Variants in KIAA1217 observed in about 807,000 individuals in gnomAD.
The protein encoded by KIAA1217 is KIAA1217.
In KIAA1217, 88 loss-of-function variants were observed where a neutral mutation model predicts 163.9. The observed-to-expected ratio is 0.54, with a 90% CI of 0.45 to 0.64. KIAA1217 has a LOEUF of 0.64. KIAA1217 is among the 30% of genes least tolerant of loss of function. The probability of loss-of-function intolerance (pLI) is 0.00; values close to 1 mark genes in which losing one functional copy is unlikely to be tolerated. For synonymous variants in KIAA1217, 903 were observed against 923.1 expected (o/e 0.98, Z 0.39); for missense variants, 2,372 against 2,475.0 (o/e 0.96, Z 0.88).
chr10:24,080,821 T>G (rs2061514592), intron 2 of KIAA1217, among the ~76,000 whole-genome samples: 1 of 144,300 alleles, frequency 6.9e-6, no homozygotes, highest in Non-Finnish European at 1.5e-5. Flanking sequence ...TTAGTAAGTG[T>G]TTTTTCAGAT....
intron 2 of KIAA1217, among the ~76,000 whole-genome samples, chr10:24,248,670 CAAAAA>C (rs929995548): frequency 8.2e-5 from 3 of 36,476 alleles, no homozygotes; most frequent in African/African-American, 2.3e-4. Context: ...GACTCCATCT[CAAAAA>C]AAAAAAAAAA....
chr10:24,283,682 A>G (rs2078221566), intron 2 of KIAA1217, among the ~76,000 whole-genome samples: 1 of 152,170 alleles, frequency 6.6e-6, no homozygotes, highest in Non-Finnish European at 1.5e-5. Flanking sequence ...ATAATTAAAA[A>G]AAGAAAAGAA....
upstream of KIAA1217, among the ~76,000 whole-genome samples, chr10:24,207,069 T>A (rs2067592219): frequency 6.6e-6 from 1 of 152,040 alleles, no homozygotes. Context: ...TGGGGCAGGG[T>A]GCTGTTTGTG....
intron 1 of KIAA1217, among the ~76,000 whole-genome samples, chr10:23,852,064 G>T (rs1340053409): frequency 1.3e-5 from 2 of 152,180 alleles, no homozygotes; most frequent in East Asian, 3.9e-4. Flanking sequence ...ATTCCTTTTG[G>T]TGTTTTAGAC....
At chr10:24,076,250 A>G (rs563678912) in intron 2 of KIAA1217, among the ~76,000 whole-genome samples, 5 of 152,314 alleles carry the variant, frequency 3.3e-5, no homozygotes, top group African/African-American at 9.6e-5. Context: ...CACAGCGTTT[A>G]TGCCATGTTT....
chr10:23,710,375 C>T (rs1192587600), intron 1 of KIAA1217, among the ~76,000 whole-genome samples: 1 of 152,186 alleles, frequency 6.6e-6, no homozygotes, highest in Non-Finnish European at 1.5e-5. Context: ...CACAGTTGCT[C>T]TGTTGTCACC....
At chr10:23,952,974 A>C (rs11013810) in intron 1 of KIAA1217, among the ~76,000 whole-genome samples, 29,186 of 152,202 alleles carry the variant, frequency 0.19, 3,138 homozygotes, top group Middle Eastern at 0.27. Context: ...AAGAAGAACA[A>C]CACCAAATGC....
chr10:24,082,837 G>T (rs192844217), intron 2 of KIAA1217, among the ~76,000 whole-genome samples: 2 of 152,278 alleles, frequency 1.3e-5, no homozygotes, highest in African/African-American at 4.8e-5. Context: ...TTCCACAATG[G>T]TTGAACTAAT....
At chr10:24,187,541 T>C (rs547215620) in intron 2 of KIAA1217, among the ~76,000 whole-genome samples, 146 of 152,354 alleles carry the variant, frequency 9.6e-4, no homozygotes, top group African/African-American at 3.5e-3. Context: ...CATGCAGTCC[T>C]GAGGGGGTGG....
At chr10:24,023,738 A>G (rs955319561) in intron 2 of KIAA1217, among the ~76,000 whole-genome samples, 1 of 151,794 alleles carries the variant, frequency 6.6e-6, no homozygotes, top group Non-Finnish European at 1.5e-5. Context: ...ATGAAAACAG[A>G]ATAATCAAAT....
chr10:24,152,058 C>T (rs1051320829), intron 2 of KIAA1217, among the ~76,000 whole-genome samples: 30 of 152,084 alleles, frequency 2.0e-4, no homozygotes, highest in African/African-American at 7.0e-4. Flanking sequence ...TCCTTCCTCC[C>T]TTCCCCGCTC....
At chr10:24,218,567 C>T (rs929651751) in intron 1 of KIAA1217, among the ~76,000 whole-genome samples, 7 of 151,884 alleles carry the variant, frequency 4.6e-5, no homozygotes, top group African/African-American at 1.7e-4. Flanking sequence ...CGGCTCACTG[C>T]AAGCTCCGCC....
intron 1 of KIAA1217, among the ~76,000 whole-genome samples, chr10:23,843,104 A>G (rs9418444): frequency 0.44 from 67,310 of 152,058 alleles, 18,421 homozygotes; most frequent in Non-Finnish European, 0.63. Context: ...AAATGTTTCT[A>G]CTTTACTGGT....
In KIAA1217 at chr10:24,177,258, C is replaced by CATATATATATATATAT. The variant is rs1210930891; in HGVS notation, c.-170-42343_-170-42328dup. ...CTAGCACGTTTTCACCTCTCACCATCATATATATATATATATATATATATA... is the reference window on the plus strand; with the variant it reads ...CTAGCACGTTTTCACCTCTCACCATCATATATATATATATATATATATATATATATATATATATATA... On this transcript the variant is annotated intron_variant, in intron 2 of 18. Coordinates refer to the KIAA1217 transcript ENST00000376462. Among the ~76,000 whole-genome samples the CATATATATATATATAT allele has an allele frequency of 2.0e-3, 50 of 25,118 alleles. 2 individuals carry two copies. The highest frequency in any genetic ancestry group is 5.8e-3 in the African/African-American group (32 of 5,552). 16.5% of individuals were successfully genotyped at this position (25,118 alleles called of 152,430 possible).
chr10:24,405,093 G>C (rs890113738), intron 3 of KIAA1217, among the ~76,000 whole-genome samples: 1 of 152,076 alleles, frequency 6.6e-6, no homozygotes, highest in Non-Finnish European at 1.5e-5. Context: ...TGATAAAATC[G>C]TATAGAGCAA....
intron 2 of KIAA1217, among the ~76,000 whole-genome samples, chr10:24,350,197 T>G (rs553147040): frequency 6.6e-5 from 10 of 152,306 alleles, no homozygotes; most frequent in Non-Finnish European, 1.2e-4. Flanking sequence ...CTGAAAGCAA[T>G]GTTATATTTT....
intron 2 of KIAA1217, among the ~76,000 whole-genome samples, chr10:24,338,742 G>A (rs1039408391): frequency 6.6e-5 from 10 of 152,114 alleles, no homozygotes; most frequent in Non-Finnish European, 1.2e-4. Context: ...TCAATTTGAG[G>A]CATTTTAAGA....
At chr10:24,031,017 C>T in intron 2 of KIAA1217, among the ~76,000 whole-genome samples, 1 of 152,094 alleles carries the variant, frequency 6.6e-6, no homozygotes, top group East Asian at 1.9e-4. Flanking sequence ...CGAATCTTTG[C>T]TTTCATTTTT....
intron 1 of KIAA1217, among the ~76,000 whole-genome samples, chr10:23,808,384 A>G (rs1270622502): frequency 1.3e-5 from 2 of 152,240 alleles, no homozygotes; most frequent in Admixed American, 6.5e-5. Context: ...AGAAACATCA[A>G]TTCAGGTTAT....
Sources: allele counts gnomAD v4.1 joint callset (sites outside exome capture counted in the v4.1 genomes callset), GRCh38; gene constraint gnomAD v4.1.1; transcripts MANE v1.5; gene names NCBI Gene and HGNC (gene_info 2026-07-23, HGNC 2026-07-21).